PRKCQ: variants seen among roughly 807,000 people sequenced by gnomAD.
PRKCQ encodes protein kinase C theta.
Under a neutral mutation model 91.2 loss-of-function variants are expected in PRKCQ, and 41 were observed. That is an observed-to-expected ratio of 0.45 (90% confidence interval 0.35 to 0.58). PRKCQ has a LOEUF of 0.58. Among genes scored for constraint, PRKCQ ranks in the 20% least tolerant of loss-of-function variants. The probability of loss-of-function intolerance (pLI) is 0.00; values close to 1 mark genes in which losing one functional copy is unlikely to be tolerated. For missense variants in PRKCQ, 673 were observed against 896.5 expected, an observed-to-expected ratio of 0.75 and a Z score of 3.18; for synonymous variants, 307 against 316.9, an observed-to-expected ratio of 0.97 and a Z score of 0.33.
chr10:6,482,787 T>G lies in PRKCQ; in HGVS notation c.1179+653A>C, dbSNP rs566821959. On this transcript the variant is annotated intron_variant, in intron 11 of 17. Transcript: ENST00000263125. ...GACAAAGGAAGAGCAAAGGGACGTC[T>G]TACGTGGTGGCAGGTGAGAGGGCAT... Among the ~76,000 whole-genome samples, 7 of 152,204 alleles carry G rather than the reference T, an allele frequency of 4.6e-5. No individual in the cohort carries two copies. In the South Asian group the frequency reaches 1.5e-3, roughly 32 times the overall value.
intron 16 of PRKCQ, among the ~76,000 whole-genome samples, chr10:6,438,784 T>TG (rs1235843299): frequency 6.6e-6 from 1 of 152,128 alleles, no homozygotes; most frequent in Non-Finnish European, 1.5e-5. Flanking sequence ...TTTGTAGAGA[T>TG]GGGGTCTTGC....
At chr10:6,453,517 C>T (rs1422542271) in intron 15 of PRKCQ, among the ~76,000 whole-genome samples, 28 of 152,300 alleles carry the variant, frequency 1.8e-4, no homozygotes, top group Non-Finnish European at 4.0e-4. Flanking sequence ...TGTGGCGATT[C>T]CTCAGGGATC....
At chr10:6,484,267 C>A (rs477840) in intron 10 of PRKCQ, among the ~76,000 whole-genome samples, 150,618 of 152,322 alleles carry the variant, frequency 0.99, 74,488 homozygotes, top group East Asian at 1. Flanking sequence ...ACAAAGAATT[C>A]GCTGGGTGCG....
chr10:6,462,662 T>A (rs931157628), intron 13 of PRKCQ, among the ~76,000 whole-genome samples: 8 of 152,126 alleles, frequency 5.3e-5, no homozygotes, highest in Non-Finnish European at 1.2e-4. Flanking sequence ...ACATTGTCAT[T>A]TTTTTTGTTG....
At chr10:6,509,566 G>A (rs534406512) in intron 3 of PRKCQ, among the ~76,000 whole-genome samples, 114 of 152,190 alleles carry the variant, frequency 7.5e-4, no homozygotes, top group African/African-American at 2.6e-3. Context: ...CTGCCACCAC[G>A]CCTGGCTAAT....
the PRKCQ span, among the ~76,000 whole-genome samples, chr10:6,410,363 T>C: frequency 0.12 from 18,896 of 152,266 alleles, 2,997 homozygotes; most frequent in African/African-American, 0.37. Flanking sequence ...AAGCTCTTAA[T>C]TGGAATTGGA....
the PRKCQ span, among the ~76,000 whole-genome samples, chr10:6,395,587 T>C: frequency 7.2e-5 from 11 of 152,162 alleles, no homozygotes; most frequent in Non-Finnish European, 1.2e-4. Context: ...TAATTTCTAA[T>C]CTTGTGGCTA....
rs374207995 is a variant in PRKCQ at position 6,546,469 on chromosome 10, A to G, written c.-9-31325T>C. ...TACATTAGTTCAAAGAAGGTGTTAT[A>G]CTTAGGTATTTTACTCTCTTTGAAG... is the stretch of plus-strand genomic sequence containing the variant. On this transcript the variant is annotated intron_variant, in intron 1 of 17. Transcript: ENST00000263125. Among the ~76,000 whole-genome samples the G allele has an allele frequency of 3.7e-4, 57 of 152,316 alleles. 2 individuals carry two copies. The South Asian group carries it at 0.011, about 30-fold the overall frequency.
At position 6,515,119 on chromosome 10, in the gene PRKCQ, C is replaced by A. The variant is rs765069464; in HGVS notation, c.17G>T (p.Arg6Leu). The A allele has an allele frequency of 6.8e-6, 11 of 1,613,484 alleles. No individual in the cohort carries two copies. Among genetic ancestry groups the A allele is most frequent in the Non-Finnish European group, 9.3e-6 (11 of 1,179,878 alleles). Residue 6 changes from arginine to leucine, a missense_variant, in exon 2 of 18, where the codon CGG becomes CTG. Physicochemically the swap from Arg to Leu is moderately radical, Grantham distance 102. Coordinates refer to ENST00000263125, the MANE Select transcript of PRKCQ (RefSeq NM_006257.5). The stretch of plus-strand genomic sequence containing the variant: ...GCAGTCAAAGTTGGACAAGCCAATC[C>A]GAAGAAATGGCGACATGGTTGCGCC... MSPFL[R>L]IGLSNFDCGS...
chr10:6,491,763 T>C lies in PRKCQ; in HGVS notation c.710A>G (p.Tyr237Cys). 3 of 1,614,230 alleles carry C rather than the reference T, an allele frequency of 1.9e-6. No individual in the cohort carries two copies. The highest frequency in any genetic ancestry group is 2.5e-6 in the Non-Finnish European group (3 of 1,180,034). The change falls in exon 8 of 18, where the codon TAC becomes TGC. Residue 237 changes from tyrosine to cysteine, a missense_variant. Tyr to Cys is a radical substitution (Grantham distance 194, BLOSUM62 -2). Coordinates refer to ENST00000263125, the MANE Select transcript of PRKCQ (RefSeq NM_006257.5). ...ACAGAAGGTCGGGCTCTTGTAATTG[T>C]AGACTTTAAATCTGTGTGGCATGTC... is the stretch of plus-strand genomic sequence containing the variant. ...KIDMPHRFKVYNYKSPTFCEH... is the reference protein window; with the variant it reads ...KIDMPHRFKVCNYKSPTFCEH...
At chr10:6,484,192 T>C (rs1564339776) in intron 10 of PRKCQ, among the ~76,000 whole-genome samples, 3 of 152,160 alleles carry the variant, frequency 2.0e-5, no homozygotes, top group South Asian at 2.1e-4. Context: ...GGTGGGCGGA[T>C]TGCCTGAGCT....
intron 1 of PRKCQ, among the ~76,000 whole-genome samples, chr10:6,556,666 T>G (rs1840429729): frequency 3.9e-5 from 1 of 25,898 alleles, no homozygotes; most frequent in Non-Finnish European, 2.5e-4. Context: ...AATTGTAAAT[T>G]TTATGTTTAT....
At chr10:6,501,768 G>A (rs1004080430) in intron 4 of PRKCQ, among the ~76,000 whole-genome samples, 8 of 151,930 alleles carry the variant, frequency 5.3e-5, no homozygotes, top group African/African-American at 1.7e-4. Flanking sequence ...AGGTTGCGGC[G>A]AGCCAACATA....
In PRKCQ at chr10:6,483,503, C is replaced by G; in HGVS notation, c.1116G>C (p.Gln372His). ...TAAAATCCTCAATTTTTAGTTTAAT[C>G]TGCAGAGATGGTCTTTCTTTGTTCA... is the stretch of plus-strand genomic sequence containing the variant. ...PELNKERPSL[Q>H]IKLKIEDFIL... The change falls in exon 11 of 18, where the codon CAG (glutamine) becomes CAC (histidine). Residue 372 changes from glutamine to histidine, a missense_variant. Coordinates refer to ENST00000263125, the MANE Select transcript of PRKCQ (RefSeq NM_006257.5). The G allele has an allele frequency of 1.2e-6, 2 of 1,614,224 alleles. No homozygotes were observed. Among genetic ancestry groups the G allele is most frequent in the Non-Finnish European group, 1.7e-6 (2 of 1,180,038 alleles).
At chr10:6,475,141 T>C (rs780922312) in intron 12 of PRKCQ, among the ~76,000 whole-genome samples, 1 of 152,198 alleles carries the variant, frequency 6.6e-6, no homozygotes, top group Non-Finnish European at 1.5e-5. Flanking sequence ...AGAAAATTCA[T>C]TGTGAAGATT....
chr10:6,542,919 G>A lies in PRKCQ; in HGVS notation c.-9-27775C>T, dbSNP rs529916414. On this transcript the variant is annotated intron_variant, in intron 1 of 17. Coordinates refer to ENST00000263125, the MANE Select transcript of PRKCQ (RefSeq NM_006257.5). Reference sequence around the variant, plus strand: ...TTCTGTTATTATATTCAATTAAAAAGTAATATAAAAGGGTTTCTTTTTCTG... The same window carrying A: ...TTCTGTTATTATATTCAATTAAAAAATAATATAAAAGGGTTTCTTTTTCTG... Among the ~76,000 whole-genome samples, 12 of 152,330 alleles carry A rather than the reference G, an allele frequency of 7.9e-5. No individual in the cohort carries two copies. The East Asian group carries it at 2.1e-3, about 27-fold the overall frequency.
chr10:6,431,267 G>A (rs190350182), intron 16 of PRKCQ, among the ~76,000 whole-genome samples: 1 of 152,190 alleles, frequency 6.6e-6, no homozygotes, highest in East Asian at 1.9e-4. Flanking sequence ...CCTCCTAACA[G>A]GGCTGATGTG....
At chr10:6,395,359 C>T in the PRKCQ span, among the ~76,000 whole-genome samples, 433 of 152,174 alleles carry the variant, frequency 2.8e-3, 3 homozygotes, top group Middle Eastern at 0.01. Flanking sequence ...CCAGCGCGCC[C>T]GGCCGGCTGG....
At chr10:6,503,258 A>G (rs371625898) in intron 4 of PRKCQ, among the ~76,000 whole-genome samples, 5 of 152,344 alleles carry the variant, frequency 3.3e-5, no homozygotes, top group African/African-American at 1.2e-4. Context: ...CAGGGGAGGA[A>G]GATGAGCTCT....
Sources: allele counts gnomAD v4.1 joint callset (sites outside exome capture counted in the v4.1 genomes callset), GRCh38; gene constraint gnomAD v4.1.1; transcripts MANE v1.5; gene names NCBI Gene and HGNC (gene_info 2026-07-23, HGNC 2026-07-21).